The following PTGES2 variants were observed in gnomAD, a reference collection of about 807,000 sequenced individuals.
PTGES2 encodes the protein GATE-binding factor 1.
Under a neutral mutation model 44.5 loss-of-function variants are expected in PTGES2, and 35 were observed. The observed-to-expected ratio is 0.79, with a 90% CI of 0.60 to 1.04. PTGES2 has a LOEUF of 1.04. PTGES2 is among the 50% of genes least tolerant of loss of function. The probability of loss-of-function intolerance (pLI) is 0.00; values close to 1 mark genes in which losing one functional copy is unlikely to be tolerated. For synonymous variants in PTGES2, 221 were observed against 227.5 expected (o/e 0.97, Z 0.26); for missense variants, 517 against 521.4 (o/e 0.99, Z 0.08).
intron 6 of PTGES2, among the ~76,000 whole-genome samples, chr9:128,121,594 T>A (rs1480659926): frequency 2.0e-5 from 3 of 151,988 alleles, no homozygotes; most frequent in Non-Finnish European, 4.4e-5. Context: ...AAGACCCAGG[T>A]CACCCAGGGG....
rs567048225 is a variant in PTGES2, at chr9:128,123,387, T to C, written c.687-253A>G. Among the ~76,000 whole-genome samples the C allele has an allele frequency of 2.6e-5, 4 of 152,212 alleles. No individual in the cohort carries two copies. The highest frequency in any genetic ancestry group is 5.9e-5 in the Non-Finnish European group (4 of 67,982). On this transcript the variant is annotated intron_variant, in intron 4 of 6. Transcript: ENST00000338961. This position sits in a 1 kb window ranked among gnomAD's most constrained non-coding sequence, Gnocchi z 4.4. The stretch of plus-strand genomic sequence containing the variant: ...TCAGCCTCCTTAGTAGCTGGGATTA[T>C]AGGTGTGTGCCTCCACACCTAGCTA...
At position 128,127,575 on chromosome 9, in the gene PTGES2, ACGGGGCT is replaced by A; in HGVS notation, c.136_142del (p.Ser46TrpfsTer55). ...CGGGCTCCCCTTACGAGCTGCAGCC[ACGGGGCT>A]CGGGCCGCCCGCCGCCCCCGCGAAG... On this transcript the variant is annotated frameshift_variant, in exon 1 of 7. Coordinates refer to ENST00000338961, the MANE Select transcript of PTGES2 (RefSeq NM_025072.7). LOFTEE classifies it high-confidence loss of function. The A allele has an allele frequency of 7.8e-7, 1 of 1,279,294 alleles. No individual in the cohort carries two copies. 79.2% of individuals were successfully genotyped at this position (1,279,294 alleles called of 1,614,324 possible). A position where few individuals can be genotyped will look rare whatever the true frequency, so the allele number is the denominator to read the frequency against.
At chr9:128,122,182 G>T (rs1189717996) in intron 6 of PTGES2, among the ~76,000 whole-genome samples, 180 bp downstream of exon 6, 1 of 152,224 alleles carries the variant, frequency 6.6e-6, no homozygotes, top group East Asian at 1.9e-4. Context: ...AACCAAGGCG[G>T]TTCCTGGTCA....
chr9:128,122,601 T>C (rs866845526), intron 5 of PTGES2, 122 bp from the exon 6 acceptor site: 1 of 799,348 alleles, frequency 1.3e-6, no homozygotes, highest in Non-Finnish European at 2.1e-6. Context: ...GGTGAGAGCA[T>C]CACATCTGCA....
At chr9:128,121,913 AAAAAAAAAACAAAAACAACAACAAC>A (rs1339722188) in intron 6 of PTGES2, among the ~76,000 whole-genome samples, 1 of 148,852 alleles carries the variant, frequency 6.7e-6, no homozygotes, top group Admixed American at 6.7e-5. Flanking sequence ...ACTTGGTCTC[AAAAAAAAAACAAAAACAACAACAAC>A]AAAAAAAAAC....
In PTGES2 at chr9:128,127,465, G is replaced by A. The variant is rs1377253010; in HGVS notation, c.253C>T (p.Leu85Phe). The change falls in exon 1 of 7, where the codon CTC (leucine) becomes TTC (phenylalanine). Residue 85 changes from leucine to phenylalanine, a missense_variant. By Grantham distance (22) the Leu-to-Phe change is conservative. Coordinates refer to ENST00000338961, the MANE Select transcript of PTGES2 (RefSeq NM_025072.7). ...TARWHLRAQDLHAERSAAQLS... is the reference protein window; with the variant it reads ...TARWHLRAQDFHAERSAAQLS... ...TGCGCGGCTGAGCGCTCTGCGTGGA[G>A]GTCCTGGGCGCGCAGGTGCCACCGC... The A allele has an allele frequency of 1.4e-6, 2 of 1,400,514 alleles. No homozygotes were observed. Among genetic ancestry groups the A allele is most frequent in the Non-Finnish European group, 1.9e-6 (2 of 1,072,666 alleles). 86.8% of individuals were successfully genotyped at this position (1,400,514 alleles called of 1,614,324 possible). A position where few individuals can be genotyped will look rare whatever the true frequency, so the allele number is the denominator to read the frequency against.
chr9:128,124,612 G>T, intron 2 of PTGES2, 62 bp from the exon 3 acceptor site: 1 of 1,530,316 alleles, frequency 6.5e-7, no homozygotes, highest in South Asian at 1.1e-5. Context: ...GTCACCAGGG[G>T]CTCTTTAACA....
chr9:128,127,805 C>T (rs918923561), upstream of PTGES2: 5 of 1,179,808 alleles, frequency 4.2e-6, no homozygotes, highest in South Asian at 3.8e-5. Context: ...TCTGGCGCCC[C>T]GCGGGTTGGC....
At chr9:128,127,998 GTCTCC>G (rs1834708643), upstream of PTGES2, 3 of 432,826 alleles carry the variant, frequency 6.9e-6, no homozygotes, top group Non-Finnish European at 1.2e-5. Context: ...GGGGGCGAAC[GTCTCC>G]TCGCCCCACC....
rs757841442 is a variant in PTGES2, at chr9:128,123,820, G to A, written c.568C>T (p.Pro190Ser). ...TGCTCGTTCACAGCCTTCATGGCTG[G>A]GTAGTAGGTGATGATCTCTTCCAGG... is the stretch of plus-strand genomic sequence containing the variant. The part of the protein sequence containing the change: ...QPLEEIITYY[P>S]AMKAVNEQGK... Residue 190 changes from proline (P) to serine (S), a missense_variant, in exon 4 of 7, where the codon CCA becomes TCA. Pro to Ser is a moderately conservative substitution (Grantham distance 74). Transcript: ENST00000338961. This position sits in a 1 kb window ranked among gnomAD's most constrained non-coding sequence, Gnocchi z 4.4. The A allele has an allele frequency of 1.9e-6, 3 of 1,613,944 alleles. No individual in the cohort carries two copies. In the East Asian group the frequency reaches 6.7e-5, roughly 36 times the overall value.
At chr9:128,124,668 G>A (rs1796807355) in intron 2 of PTGES2, 118 bp from the exon 3 acceptor site, 1 of 1,295,102 alleles carries the variant, frequency 7.7e-7, no homozygotes, top group African/African-American at 1.5e-5. Context: ...CATGCCCGGA[G>A]TCCTCCCCGC....
chr9:128,122,177 A>G (rs1834434643), intron 6 of PTGES2, among the ~76,000 whole-genome samples, 185 bp downstream of exon 6: 1 of 152,204 alleles, frequency 6.6e-6, no homozygotes, highest in Admixed American at 6.5e-5. Context: ...ATGTGAACCA[A>G]GGCGGTTCCT....
chr9:128,127,906 A>C (rs541813729), upstream of PTGES2: 1 of 486,886 alleles, frequency 2.1e-6, no homozygotes, highest in African/African-American at 2.0e-5. Context: ...CCAGAGCCGC[A>C]GAGGCCCGCT....
In PTGES2 at chr9:128,127,645, G is replaced by T; in HGVS notation, c.73C>A (p.Arg25Ser). ...GCALAWRLGG[R>S]PQPLLPTQSR... ...TGCGTGGGTAGCAGCGGCTGGGGGC[G>T]GCCTCCCAGCCTCCAGGCCAAGGCG... Residue 25 changes from arginine (R) to serine (S), a missense_variant, in exon 1 of 7, where the codon CGC becomes AGC. Coordinates refer to ENST00000338961, the MANE Select transcript of PTGES2 (RefSeq NM_025072.7). The T allele has an allele frequency of 7.9e-7, 1 of 1,272,488 alleles. No individual in the cohort carries two copies. Among genetic ancestry groups the T allele is most frequent in the Non-Finnish European group, 9.9e-7 (1 of 1,010,436 alleles). 78.8% of individuals were successfully genotyped at this position (1,272,488 alleles called of 1,614,324 possible). A position where few individuals can be genotyped will look rare whatever the true frequency, so the allele number is the denominator to read the frequency against.
In PTGES2 at chr9:128,127,688, C is replaced by T. The variant is rs1230620137; in HGVS notation, c.30G>A (p.Ala10=). 1.6e-6 allele frequency: 2 copies of T among 1,288,766 alleles called. No homozygotes were observed. The highest frequency in any genetic ancestry group is 9.8e-7 in the Non-Finnish European group (1 of 1,018,378). The allele number at this position is 1,288,766 out of a possible 1,614,324, so 79.8% of individuals were successfully genotyped here. A position where few individuals can be genotyped will look rare whatever the true frequency, so the allele number is the denominator to read the frequency against. The part of the protein sequence containing the change: MDPAARVVR[A]LWPGGCALAW... ...CCAAGGCGCACCCACCAGGCCACAGCGCCCGCACCACCCGCGCAGCCGGGT... is the reference window on the plus strand; with the variant it reads ...CCAAGGCGCACCCACCAGGCCACAGTGCCCGCACCACCCGCGCAGCCGGGT... Residue 10 remains alanine (A), a synonymous_variant, in exon 1 of 7, where the codon GCG becomes GCA. Transcript: ENST00000338961.
Position 128,123,333 on chromosome 9 carries a change from G to A in PTGES2, c.687-199C>T, listed in dbSNP as rs1293444033. Among the ~76,000 whole-genome samples the A allele has an allele frequency of 6.6e-6, 1 of 151,538 alleles. No homozygotes were observed. Among genetic ancestry groups the A allele is most frequent in the Non-Finnish European group, 1.5e-5 (1 of 67,934 alleles). On this transcript the variant is annotated intron_variant, in intron 4 of 6. Coordinates refer to ENST00000338961, the MANE Select transcript of PTGES2 (RefSeq NM_025072.7). This position sits in a 1 kb window ranked among gnomAD's most constrained non-coding sequence, Gnocchi z 4.4. Reference sequence around the variant, plus strand: ...ACCATCTCAGCTCACTGCATCCTCCGCCTCCTGGGTTCAAGCGATTCTCCT... The same window carrying A: ...ACCATCTCAGCTCACTGCATCCTCCACCTCCTGGGTTCAAGCGATTCTCCT...
At chr9:128,127,278 C>T (rs1363998514) in intron 1 of PTGES2, among the ~76,000 whole-genome samples, 161 bp downstream of exon 1, 3 of 149,882 alleles carry the variant, frequency 2.0e-5, no homozygotes, top group Non-Finnish European at 4.4e-5. Flanking sequence ...CAGGAGTGCC[C>T]CTATTTTACA....
chr9:128,128,435 C>G (rs935039827), upstream of PTGES2: 3 of 443,688 alleles, frequency 6.8e-6, no homozygotes, highest in Non-Finnish European at 1.4e-5. Context: ...CGGACAGCCC[C>G]GGGATGGCCC....
chr9:128,128,057 G>A (rs1452902282), upstream of PTGES2: 4 of 378,908 alleles, frequency 1.1e-5, no homozygotes, highest in East Asian at 1.9e-4. Context: ...ACACGTACTT[G>A]CCCACCTCTC....
Sources: gnomAD v4.1 joint callset for allele counts (sites outside exome capture counted in the v4.1 genomes callset) on GRCh38, gnomAD v4.1.1 for gene constraint, Gnocchi (gnomAD v3.1) non-coding constraint, MANE v1.5 for transcripts, NCBI Gene and HGNC (gene_info 2026-07-23, HGNC 2026-07-21) for gene names.